The following HDAC5 variants were observed in gnomAD, a reference collection of about 807,000 sequenced individuals.
HDAC5 encodes histone deacetylase 5.
HDAC5 carries 25 observed loss-of-function variants against 133.3 expected under a neutral mutation model. The observed-to-expected ratio is 0.19, with a 90% CI of 0.14 to 0.26. The LOEUF (loss-of-function observed/expected upper bound fraction) is 0.26. Ranked by LOEUF, HDAC5 falls within the 10% of genes least tolerant of loss-of-function variation. The probability of loss-of-function intolerance (pLI) is 1.00; values close to 1 mark genes in which losing one functional copy is unlikely to be tolerated. For missense variants in HDAC5, 1,041 were observed against 1,460.5 expected, an observed-to-expected ratio of 0.71 and a Z score of 4.68; for synonymous variants, 589 against 610.8, an observed-to-expected ratio of 0.96 and a Z score of 0.53.
chr17:44,114,678 T>C (rs910270991), intron 2 of HDAC5, among the ~76,000 whole-genome samples: 1 of 152,162 alleles, frequency 6.6e-6, no homozygotes, highest in Admixed American at 6.5e-5. Flanking sequence ...AGAGCTGGCC[T>C]GGGTCCCAGG....
intron 14 of HDAC5, 91 bp downstream of exon 14, chr17:44,086,481 C>T: frequency 8.7e-7 from 1 of 1,154,260 alleles, no homozygotes; most frequent in South Asian, 4.6e-5. Flanking sequence ...CTAAGGGGCC[C>T]CAGCAGCCTC....
chr17:44,099,472 G>T (rs541049832), intron 3 of HDAC5, among the ~76,000 whole-genome samples: 20 of 151,310 alleles, frequency 1.3e-4, no homozygotes, highest in African/African-American at 4.9e-4. Flanking sequence ...TGTGTGTTTC[G>T]TTTTTTCTTT....
intron 2 of HDAC5, 106 bp from the exon 3 acceptor site, chr17:44,110,906 G>A (rs2052296507): frequency 1.1e-6 from 1 of 941,494 alleles, no homozygotes; most frequent in African/African-American, 1.6e-5. Flanking sequence ...CCAGAGGCGG[G>A]GAGCAGACCG....
chr17:44,093,710 C>T lies in HDAC5; in HGVS notation c.219G>A (p.Glu73=), dbSNP rs751619090. The T allele has an allele frequency of 1.2e-6, 2 of 1,606,076 alleles. No homozygotes were observed. Among genetic ancestry groups the T allele is most frequent in the East Asian group, 4.5e-5 (2 of 44,676 alleles). ...LVGSVDPTLR[E]QQLQQELLAL... ...CCAGGAGCTCCTGCTGCAGTTGCTG[C>T]TCCCGCAGTGTGGGGTCCACAGAGC... The change falls in exon 4 of 27, where the codon GAG becomes GAA. Residue 73 remains glutamate, a synonymous_variant. Coordinates refer to ENST00000682912, the MANE Select transcript of HDAC5 (RefSeq NM_005474.5).
At chr17:44,079,375 C>T in intron 23 of HDAC5, 98 bp from the exon 24 acceptor site, 2 of 1,252,800 alleles carry the variant, frequency 1.6e-6, no homozygotes, top group East Asian at 2.4e-5. Flanking sequence ...GGCGCGGTGG[C>T]TCACGCCTGT....
At chr17:44,085,690 C>T (rs1231894382) in intron 14 of HDAC5, among the ~76,000 whole-genome samples, 1 of 152,016 alleles carries the variant, frequency 6.6e-6, no homozygotes, top group Admixed American at 6.6e-5. Context: ...TTAGTAGAGA[C>T]GGGGTTTTAC....
At chr17:44,095,330 C>T (rs761611572) in intron 3 of HDAC5, among the ~76,000 whole-genome samples, 16 of 152,182 alleles carry the variant, frequency 1.1e-4, no homozygotes, top group Non-Finnish European at 1.8e-4. Flanking sequence ...TTCTCAACAC[C>T]GTGCCCCATG....
rs1348068691 is a variant in HDAC5 at position 44,093,827 on chromosome 17, C to T, written c.102G>A (p.Val34=). 6.6e-7 allele frequency: 1 copy of T among 1,507,206 alleles called. No homozygotes were observed. The highest frequency in any genetic ancestry group is 1.4e-5 in the South Asian group (1 of 73,836). 93.4% of individuals were successfully genotyped at this position (1,507,206 alleles called of 1,614,324 possible). A position where few individuals can be genotyped will look rare whatever the true frequency, so the allele number is the denominator to read the frequency against. The change falls in exon 4 of 27, where the codon GTG becomes GTA. Residue 34 remains valine (V), a synonymous_variant. Coordinates refer to ENST00000682912, the MANE Select transcript of HDAC5 (RefSeq NM_005474.5). ...SLHSIPVTVE[V]KPVLPRAMPS... ...GCATGGCTCTTGGCAGCACCGGCTT[C>T]ACCTCCACTGTGGGCAGAAGAGACA...
chr17:44,116,957 A>G (rs2052686780), intron 2 of HDAC5, among the ~76,000 whole-genome samples: 1 of 151,900 alleles, frequency 6.6e-6, no homozygotes, highest in South Asian at 2.1e-4. Flanking sequence ...GAGAGCCGAG[A>G]CTCCTCTACA....
Position 44,080,168 on chromosome 17 carries a change from G to A in HDAC5, c.2883C>T (p.Ala961=), listed in dbSNP as rs567439132. Residue 961 remains alanine (A), a synonymous_variant, in exon 23 of 27, where the codon GCC becomes GCT. Transcript: ENST00000682912. ...GATGTCCTTCAACAGCATCAAACCC[G>A]GCGGAGACTAGGACCACATCAGGTG... is the stretch of plus-strand genomic sequence containing the variant. ...EFSPDVVLVS[A]GFDAVEGHLS... is the part of the protein sequence containing the mutation. 3.7e-5 allele frequency: 60 copies of A among 1,614,104 alleles called. No individual in the cohort carries two copies. The Admixed American group carries it at 4.7e-4, about 13-fold the overall frequency.
chr17:44,111,361 C>G, intron 2 of HDAC5: 1 of 334,372 alleles, frequency 3.0e-6, no homozygotes. Context: ...GGAGGCGGTT[C>G]TACCCCAGGA....
At chr17:44,107,539 T>C (rs1257549412) in intron 3 of HDAC5, among the ~76,000 whole-genome samples, 2 of 128,784 alleles carry the variant, frequency 1.6e-5, no homozygotes, top group African/African-American at 6.0e-5. Context: ...ACCCAGGAGG[T>C]GGAGGCTGTG....
Position 44,093,730 on chromosome 17 carries a change from C to G in HDAC5, c.199G>C (p.Val67Leu). The G allele has an allele frequency of 2.5e-6, 4 of 1,602,168 alleles. No homozygotes were observed. The highest frequency in any genetic ancestry group is 3.4e-6 in the Non-Finnish European group (4 of 1,174,342). ...VELRGALVGS[V>L]DPTLREQQLQ... ...TGCTGCTCCCGCAGTGTGGGGTCCA[C>G]AGAGCCCACCAGAGCCCCCCGTAGC... The change falls in exon 4 of 27, where the codon GTG (valine) becomes CTG (leucine). Residue 67 changes from valine (V) to leucine (L), a missense_variant. Val to Leu is a conservative substitution (Grantham distance 32, BLOSUM62 1). Around this residue, in one of 9 missense-constraint regions of HDAC5, gnomAD observed 93 missense variants for 98.8 expected, o/e 0.94. Transcript: ENST00000682912.
At chr17:44,083,889 G>A (rs1567984916) in intron 16 of HDAC5, 35 bp from the exon 17 acceptor site, 1 of 1,585,712 alleles carries the variant, frequency 6.3e-7, no homozygotes, top group Non-Finnish European at 8.7e-7. Flanking sequence ...CTCTAGAAGT[G>A]GCCTCGGGCG....
At chr17:44,110,892 G>T in intron 2 of HDAC5, 92 bp from the exon 3 acceptor site, 1 of 1,088,392 alleles carries the variant, frequency 9.2e-7, no homozygotes, top group Non-Finnish European at 1.4e-6. Flanking sequence ...CAGGGAGGGG[G>T]CCGCCAGAGG....
At chr17:44,092,332 A>G in intron 8 of HDAC5, 48 bp from the exon 9 acceptor site, 1 of 1,611,600 alleles carries the variant, frequency 6.2e-7, no homozygotes, top group Non-Finnish European at 8.5e-7. Flanking sequence ...ACTACCCCCG[A>G]CCCCTGATTC....
intron 3 of HDAC5, among the ~76,000 whole-genome samples, chr17:44,108,542 C>T (rs548255342): frequency 1.3e-5 from 2 of 152,146 alleles, no homozygotes; most frequent in East Asian, 1.9e-4. Flanking sequence ...GCAACTCACA[C>T]CATCCAAAGA....
chr17:44,084,298 G>A (rs1199828751), intron 16 of HDAC5, among the ~76,000 whole-genome samples: 1 of 152,144 alleles, frequency 6.6e-6, no homozygotes. Flanking sequence ...AGAGGAGCAT[G>A]ATAAGCCGTG....
intron 14 of HDAC5, among the ~76,000 whole-genome samples, chr17:44,086,070 T>C (rs2050634425): frequency 6.6e-6 from 1 of 152,172 alleles, no homozygotes; most frequent in South Asian, 2.1e-4. Flanking sequence ...GAGTCTCATC[T>C]CTGCCAGCTG....
Sources: allele counts gnomAD v4.1 joint callset (sites outside exome capture counted in the v4.1 genomes callset), GRCh38; gene constraint gnomAD v4.1.1; regional missense constraint gnomAD v4.1.1; transcripts MANE v1.5; gene names NCBI Gene and HGNC (gene_info 2026-07-23, HGNC 2026-07-21).